The following NKAIN3 variants were observed in gnomAD, a reference collection of about 807,000 sequenced individuals.
NKAIN3 encodes sodium/potassium-transporting ATPase subunit beta-1-interacting protein 3.
NKAIN3 carries 25 observed loss-of-function variants against 30.2 expected under a neutral mutation model. That is an observed-to-expected ratio of 0.83 (90% CI 0.60 to 1.16). The LOEUF (loss-of-function observed/expected upper bound fraction) is 1.16. NKAIN3 is among the 50% of genes most tolerant of loss of function. NKAIN3 has a pLI of 0.00. For synonymous variants in NKAIN3, 91 were observed against 89.6 expected (o/e 1.02, Z -0.09); for missense variants, 225 against 254.1 (o/e 0.89, Z 0.78).
At chr8:62,384,313 C>T (rs1445995584) in intron 1 of NKAIN3, among the ~76,000 whole-genome samples, 1 of 152,118 alleles carries the variant, frequency 6.6e-6, no homozygotes, top group African/African-American at 2.4e-5. Context: ...TATGATTTAA[C>T]ATTGCATGTT....
intron 3 of NKAIN3, among the ~76,000 whole-genome samples, chr8:62,732,884 T>C (rs1283803987): frequency 1.3e-5 from 2 of 152,114 alleles, no homozygotes; most frequent in Admixed American, 6.5e-5. Flanking sequence ...CTCTTGTAAA[T>C]GACACATAGC....
intron 1 of NKAIN3, among the ~76,000 whole-genome samples, chr8:62,571,139 AT>A (rs34068438): frequency 0.37 from 52,510 of 142,104 alleles, 9,591 homozygotes; most frequent in East Asian, 0.53. Flanking sequence ...AAATAGGCTT[AT>A]TTTTTTTTTT....
At chr8:62,928,844 G>A (rs964553646) in intron 5 of NKAIN3, among the ~76,000 whole-genome samples, 10 of 152,190 alleles carry the variant, frequency 6.6e-5, no homozygotes, top group Non-Finnish European at 1.0e-4. Context: ...GTGCCTTTGA[G>A]GCATAAGGCA....
At chr8:62,729,166 C>T (rs1256978871) in intron 3 of NKAIN3, among the ~76,000 whole-genome samples, 1 of 151,496 alleles carries the variant, frequency 6.6e-6, no homozygotes, top group Admixed American at 6.6e-5. Context: ...ACACAATGTA[C>T]TCTGAACAAT....
intron 4 of NKAIN3, among the ~76,000 whole-genome samples, chr8:62,764,578 C>A (rs879268608): frequency 6.6e-6 from 1 of 152,158 alleles, no homozygotes; most frequent in Non-Finnish European, 1.5e-5. Context: ...AATCCTCCCA[C>A]CTTACCTTCC....
At chr8:62,876,958 C>A (rs1439861023) in intron 4 of NKAIN3, among the ~76,000 whole-genome samples, 2 of 147,862 alleles carry the variant, frequency 1.4e-5, no homozygotes, top group Non-Finnish European at 1.5e-5. Flanking sequence ...AAAAAATTTT[C>A]AATAAAAGTT....
chr8:62,485,316 T>C (rs761268685), intron 1 of NKAIN3, among the ~76,000 whole-genome samples: 1 of 152,212 alleles, frequency 6.6e-6, no homozygotes, highest in African/African-American at 2.4e-5. Context: ...ACGTGGTCTC[T>C]GTATATGTAA....
intron 4 of NKAIN3, among the ~76,000 whole-genome samples, chr8:62,900,149 C>G (rs1356016283): frequency 6.6e-6 from 1 of 151,996 alleles, no homozygotes; most frequent in Non-Finnish European, 1.5e-5. Flanking sequence ...GAAAAAGTTA[C>G]AATAAGGCCA....
intron 3 of NKAIN3, among the ~76,000 whole-genome samples, chr8:62,677,377 TCTTA>T (rs1206436718): frequency 6.6e-6 from 1 of 152,194 alleles, no homozygotes; most frequent in Admixed American, 6.5e-5. Context: ...CTTTGCACTC[TCTTA>T]TAGAGTATTG....
intron 4 of NKAIN3, among the ~76,000 whole-genome samples, chr8:62,914,743 T>C (rs1309846044): frequency 1.3e-5 from 2 of 152,084 alleles, no homozygotes; most frequent in East Asian, 3.9e-4. Context: ...TAAGTAATTT[T>C]CTTTTTTTAA....
At chr8:62,693,871 T>A (rs1288772137) in intron 3 of NKAIN3, among the ~76,000 whole-genome samples, 1 of 152,098 alleles carries the variant, frequency 6.6e-6, no homozygotes, top group Non-Finnish European at 1.5e-5. Context: ...TATACAGAAG[T>A]ACATCATGAC....
chr8:62,954,464 T>C (rs934993054), intron 6 of NKAIN3, among the ~76,000 whole-genome samples: 5 of 152,204 alleles, frequency 3.3e-5, no homozygotes, highest in African/African-American at 1.2e-4. Context: ...AGCTGCCTAT[T>C]ACTCTTCCCA....
chr8:62,270,877 G>GT (rs1812757136), intron 1 of NKAIN3, among the ~76,000 whole-genome samples: 1 of 152,150 alleles, frequency 6.6e-6, no homozygotes, highest in Non-Finnish European at 1.5e-5. Flanking sequence ...AACAAGAGCA[G>GT]TATTGAAGGG....
At chr8:62,385,312 C>T (rs1340475339) in intron 1 of NKAIN3, among the ~76,000 whole-genome samples, 2 of 152,130 alleles carry the variant, frequency 1.3e-5, no homozygotes, top group Non-Finnish European at 2.9e-5. Flanking sequence ...AACTCAACTC[C>T]ATCACAGATG....
At chr8:62,733,625 C>T (rs1283237825) in intron 3 of NKAIN3, among the ~76,000 whole-genome samples, 1 of 152,048 alleles carries the variant, frequency 6.6e-6, no homozygotes, top group Non-Finnish European at 1.5e-5. Flanking sequence ...GTGAAAATGT[C>T]TACCATTCAT....
rs1820067471 is a variant in NKAIN3 at position 62,856,636 on chromosome 8, G to A, written c.472-61817G>A. On this transcript the variant is annotated intron_variant, in intron 4 of 6. Coordinates refer to ENST00000623646, the MANE Select transcript of NKAIN3 (RefSeq NM_001304533.3). ...ATCATGAACTGGACATCACTAAAGA[G>A]GTTGGCACAGATACACAGCACTTCA... 9 of 772,012 alleles carry A rather than the reference G, an allele frequency of 1.2e-5. No homozygotes were observed. The South Asian group carries it at 1.2e-4, about 10-fold the overall frequency. 47.8% of individuals were successfully genotyped at this position (772,012 alleles called of 1,614,324 possible). A position where few individuals can be genotyped will look rare whatever the true frequency, so the allele number is the denominator to read the frequency against.
chr8:62,927,524 T>G (rs936783447), intron 5 of NKAIN3, among the ~76,000 whole-genome samples: 2 of 152,242 alleles, frequency 1.3e-5, no homozygotes, highest in Admixed American at 6.5e-5. Flanking sequence ...ATTTAAGTGA[T>G]GTATATCCCA....
At chr8:62,264,656 T>C (rs903652599) in intron 1 of NKAIN3, among the ~76,000 whole-genome samples, 5 of 152,188 alleles carry the variant, frequency 3.3e-5, no homozygotes, top group African/African-American at 1.2e-4. Flanking sequence ...CTACAGCTAC[T>C]GCTTATGCTC....
chr8:62,863,339 C>T (rs1820313339), intron 4 of NKAIN3: 4 of 1,548,324 alleles, frequency 2.6e-6, no homozygotes, highest in African/African-American at 1.4e-5. Flanking sequence ...GCTTTCTGCC[C>T]CTCAGTGGTC....
Sources: gnomAD v4.1 joint callset for allele counts (sites outside exome capture counted in the v4.1 genomes callset) on GRCh38, gnomAD v4.1.1 for gene constraint, MANE v1.5 for transcripts, NCBI Gene and HGNC (gene_info 2026-07-23, HGNC 2026-07-21) for gene names.